Variants in SPECC1L observed in about 807,000 individuals in gnomAD.
The protein encoded by SPECC1L is sperm antigen with calponin homology and coiled-coil domains 1 like.
Under a neutral mutation model 116.8 loss-of-function variants are expected in SPECC1L, and 40 were observed. That is an observed-to-expected ratio of 0.34 (90% CI 0.27 to 0.45). The LOEUF (loss-of-function observed/expected upper bound fraction) is 0.45. SPECC1L is among the 20% of genes least tolerant of loss of function. The probability of loss-of-function intolerance (pLI) is 1.00; values close to 1 mark genes in which losing one functional copy is unlikely to be tolerated. For synonymous variants in SPECC1L, 504 were observed against 500.6 expected, an observed-to-expected ratio of 1.01 and a Z score of -0.09; for missense variants, 1,110 against 1,373.6, an observed-to-expected ratio of 0.81 and a Z score of 3.03.
intron 3 of SPECC1L, among the ~76,000 whole-genome samples, chr22:24,306,483 C>T (rs576236174): frequency 1.4e-4 from 21 of 152,194 alleles, no homozygotes; most frequent in African/African-American, 4.3e-4. Context: ...TGGGCTCAAG[C>T]GGTCTTCAGG....
chr22:24,346,153 C>T (rs563845708), intron 10 of SPECC1L, among the ~76,000 whole-genome samples: 2 of 152,070 alleles, frequency 1.3e-5, no homozygotes, highest in South Asian at 2.1e-4. Context: ...ATTACAGGCG[C>T]CTGCCACCAC....
chr22:24,299,061 G>A lies in SPECC1L; in HGVS notation c.-37-3134G>A, dbSNP rs2049323472. Among the ~76,000 whole-genome samples the A allele has an allele frequency of 3.3e-5, 5 of 152,228 alleles. No individual in the cohort carries two copies. The South Asian group carries it at 1.0e-3, about 32-fold the overall frequency. On this transcript the variant is annotated intron_variant, in intron 2 of 16. Transcript: ENST00000314328. ...CCAAATGAAGAGTATTTGTAGCTGTGAAATTCAGTGATTCAACTTAGAGAT... is the reference window on the plus strand; with the variant it reads ...CCAAATGAAGAGTATTTGTAGCTGTAAAATTCAGTGATTCAACTTAGAGAT...
chr22:24,414,539 T>C lies in SPECC1L; in HGVS notation c.3270T>C (p.Ile1090=), dbSNP rs199737718. The C allele has an allele frequency of 6.2e-7, 1 of 1,613,886 alleles. No homozygotes were observed. The highest frequency in any genetic ancestry group is 8.5e-7 in the Non-Finnish European group (1 of 1,179,920). Residue 1090 remains isoleucine, a synonymous_variant, in exon 17 of 17, where the codon ATT becomes ATC. Transcript: ENST00000314328. ...GCGTCTTCCTTGTCTGTCAGGACAT[T>C]AATGAAATGGTACGGACTGAACGAC... ...ESVGIKSTLD[I]NEMVRTERPD... is the part of the protein sequence containing the mutation.
intron 14 of SPECC1L, among the ~76,000 whole-genome samples, chr22:24,401,973 CACCTCGGCCGCCTGCCCT>C (rs909573029): frequency 2.2e-4 from 33 of 152,212 alleles, no homozygotes; most frequent in African/African-American, 3.1e-4. Context: ...CTGCCAGCTC[CACCTCGGCCGCCTGCCCT>C]ACCTCGGCCG....
In SPECC1L at chr22:24,322,617, G is replaced by T; in HGVS notation, c.1637G>T (p.Arg546Leu). ...ALKERSHHME[R>L]IIESEQKGKA... ...AAAGAACGCAGTCACCATATGGAGC[G>T]AATTATTGAGTCTGAGCAGAAAGGA... Residue 546 changes from arginine (R) to leucine (L), a missense_variant, in exon 5 of 17, where the codon CGA (arginine) becomes CTA (leucine). Transcript: ENST00000314328. 2 of 1,614,114 alleles carry T rather than the reference G, an allele frequency of 1.2e-6. No individual in the cohort carries two copies. The highest frequency in any genetic ancestry group is 1.7e-6 in the Non-Finnish European group (2 of 1,180,012).
chr22:24,385,376 A>G (rs180748205), intron 14 of SPECC1L, among the ~76,000 whole-genome samples: 159 of 152,344 alleles, frequency 1.0e-3, no homozygotes, highest in African/African-American at 3.8e-3. Context: ...AAATCACATT[A>G]TAGGTAAATA....
At chr22:24,392,261 A>C (rs978965633) in intron 14 of SPECC1L, among the ~76,000 whole-genome samples, 1 of 152,252 alleles carries the variant, frequency 6.6e-6, no homozygotes, top group African/African-American at 2.4e-5. Context: ...CATTTTCAAG[A>C]GCTGCCTAAT....
intron 13 of SPECC1L, among the ~76,000 whole-genome samples, chr22:24,368,023 G>A (rs1272287652): frequency 6.6e-6 from 1 of 152,174 alleles, no homozygotes; most frequent in Non-Finnish European, 1.5e-5. Flanking sequence ...AAGATACGGT[G>A]CAGAATGAGT....
intron 2 of SPECC1L, among the ~76,000 whole-genome samples, chr22:24,285,639 T>C (rs1268885845): frequency 2.0e-5 from 3 of 147,168 alleles, no homozygotes; most frequent in Non-Finnish European, 4.4e-5. Context: ...TTTTTTTTTT[T>C]GTTGTTTTGT....
At chr22:24,324,174 G>A (rs1170400262) in intron 5 of SPECC1L, 46 bp from the exon 6 acceptor site, 1 of 1,537,690 alleles carries the variant, frequency 6.5e-7, no homozygotes, top group East Asian at 2.2e-5. Context: ...ACGTACCTTA[G>A]AACAACTCTT....
chr22:24,416,730 G>C lies in SPECC1L; in HGVS notation c.*2107G>C, dbSNP rs1263636912. On this transcript the variant is annotated 3_prime_UTR_variant, in exon 17 of 17. Coordinates refer to ENST00000314328, the MANE Select transcript of SPECC1L (RefSeq NM_015330.6). The stretch of plus-strand genomic sequence containing the variant: ...CCCAGCCCTGGTGCCTCATGGGATG[G>C]GGGGGTAGGGGTCCCCAGGATCTTC... 1 of 152,356 alleles carries C rather than the reference G, an allele frequency of 6.6e-6. No individual in the cohort carries two copies. Among genetic ancestry groups the C allele is most frequent in the Non-Finnish European group, 1.5e-5 (1 of 68,126 alleles). 9.4% of individuals were successfully genotyped at this position (152,356 alleles called of 1,614,324 possible). A position where few individuals can be genotyped will look rare whatever the true frequency, so the allele number is the denominator to read the frequency against.
intron 2 of SPECC1L, among the ~76,000 whole-genome samples, chr22:24,287,873 C>G (rs529966801): frequency 1.3e-4 from 20 of 152,160 alleles, no homozygotes; most frequent in Admixed American, 1.2e-3. Flanking sequence ...GACTGGAGAA[C>G]AGTGGATTTC....
intron 11 of SPECC1L, among the ~76,000 whole-genome samples, chr22:24,361,593 T>G (rs185809485): frequency 2.0e-5 from 3 of 152,004 alleles, no homozygotes; most frequent in Admixed American, 2.0e-4. Context: ...CTCAAGAGTT[T>G]GAGACCAGCC....
chr22:24,410,980 A>C (rs1204448404), intron 14 of SPECC1L, among the ~76,000 whole-genome samples: 4 of 152,088 alleles, frequency 2.6e-5, no homozygotes, highest in Non-Finnish European at 5.9e-5. Flanking sequence ...CAAGGTCAAG[A>C]GATTGAGACC....
intron 3 of SPECC1L, among the ~76,000 whole-genome samples, chr22:24,310,926 T>C (rs905352539): frequency 5.9e-5 from 9 of 152,218 alleles, no homozygotes; most frequent in African/African-American, 2.2e-4. Context: ...TAGAAAACGT[T>C]GGACTTTATG....
At chr22:24,287,225 G>A (rs1179161976) in intron 2 of SPECC1L, among the ~76,000 whole-genome samples, 4 of 152,214 alleles carry the variant, frequency 2.6e-5, no homozygotes, top group East Asian at 1.9e-4. Flanking sequence ...ATGTGTGCAC[G>A]TAAAATGGAA....
At chr22:24,334,061 G>T (rs149213804) in intron 8 of SPECC1L, among the ~76,000 whole-genome samples, 1 of 146,064 alleles carries the variant, frequency 6.8e-6, no homozygotes, top group Non-Finnish European at 1.5e-5. Flanking sequence ...TGCCCAGGCC[G>T]GACTGCAGTG....
At chr22:24,414,429 C>A in intron 16 of SPECC1L, 105 bp from the exon 17 acceptor site, 1 of 905,306 alleles carries the variant, frequency 1.1e-6, no homozygotes, top group African/African-American at 1.6e-5. Flanking sequence ...GAAAATATTT[C>A]AAGGCCCCAT....
intron 2 of SPECC1L, among the ~76,000 whole-genome samples, chr22:24,279,002 A>G (rs891964806): frequency 1.3e-5 from 2 of 152,222 alleles, no homozygotes; most frequent in Non-Finnish European, 2.9e-5. Flanking sequence ...CACTCTTCAC[A>G]AAAGGATGAG....
Sources: allele counts gnomAD v4.1 joint callset (sites outside exome capture counted in the v4.1 genomes callset), GRCh38; gene constraint gnomAD v4.1.1; transcripts MANE v1.5; gene names NCBI Gene and HGNC (gene_info 2026-07-23, HGNC 2026-07-21).